Variants in OTOF observed in about 807,000 individuals in gnomAD.
OTOF encodes fer-1-like family member 2.
A neutral mutation model predicts 236.8 loss-of-function variants in OTOF; 218 were observed. The ratio of observed to expected loss-of-function variants is 0.92; its 90% CI spans 0.82 to 1.03. OTOF has a LOEUF of 1.03. Among genes scored for constraint, OTOF ranks in the 50% least tolerant of loss-of-function variants. The pLI, the probability that OTOF is intolerant of heterozygous loss-of-function variation, is 0.00. For missense variants in OTOF, 2,590 were observed against 2,694.4 expected, an observed-to-expected ratio of 0.96 and a Z score of 0.86; for synonymous variants, 1,041 against 1,072.5, an observed-to-expected ratio of 0.97 and a Z score of 0.57.
chr2:26,516,893 T>C (rs143886858), intron 4 of OTOF, among the ~76,000 whole-genome samples: 1 of 152,292 alleles, frequency 6.6e-6, no homozygotes, highest in East Asian at 1.9e-4. Flanking sequence ...CCAGGACAAC[T>C]GAGCCTGGAC....
chr2:26,530,673 C>T (rs949994323), intron 2 of OTOF, among the ~76,000 whole-genome samples: 1 of 152,170 alleles, frequency 6.6e-6, no homozygotes, highest in African/African-American at 2.4e-5. Flanking sequence ...CGTCTGCTTT[C>T]TTCTCCTCAC....
rs1037588871 is a variant in OTOF at position 26,530,127 on chromosome 2, G to T, written c.139-2207C>A. Among the ~76,000 whole-genome samples, 5 of 151,992 alleles carry T rather than the reference G, an allele frequency of 3.3e-5. No homozygotes were observed. In the South Asian group the frequency reaches 6.2e-4, roughly 19 times the overall value. The stretch of plus-strand genomic sequence containing the variant: ...GGGGATGAAGAGGGGAGGGGTGATT[G>T]GTCCCCCTGAGGGTCTGTGGGTGGG... On this transcript the variant is annotated intron_variant, in intron 2 of 46. Coordinates refer to ENST00000272371, the MANE Select transcript of OTOF (RefSeq NM_194248.3).
chr2:26,498,163 G>A (rs927330552), intron 8 of OTOF, among the ~76,000 whole-genome samples: 2 of 152,192 alleles, frequency 1.3e-5, no homozygotes, highest in African/African-American at 4.8e-5. Context: ...CCCCTTTTCA[G>A]GCCTCATACG....
intron 4 of OTOF, among the ~76,000 whole-genome samples, chr2:26,517,454 A>G (rs1454312483): frequency 6.6e-6 from 1 of 152,194 alleles, no homozygotes; most frequent in Non-Finnish European, 1.5e-5. Context: ...GCTTTAATGT[A>G]CACTCATTTG....
In OTOF at chr2:26,461,620, C is replaced by T; in HGVS notation, c.5533+76G>A. 3 of 1,590,840 alleles carry T rather than the reference C, an allele frequency of 1.9e-6. No homozygotes were observed. The highest frequency in any genetic ancestry group is 2.6e-6 in the Non-Finnish European group (3 of 1,168,114). On this transcript the variant is annotated intron_variant, in intron 43 of 46. Transcript: ENST00000272371. The surrounding 1 kb of genome is among the most constrained non-coding windows in gnomAD (Gnocchi z 6.2). The stretch of plus-strand genomic sequence containing the variant: ...CCTTGTCCCCCCAAGGCAGGGCTCT[C>T]CCTGTCCCCGCCAACCCGGCCCCTG...
chr2:26,467,324 G>T (rs368703698), intron 34 of OTOF, 41 bp downstream of exon 34: 15 of 1,613,020 alleles, frequency 9.3e-6, no homozygotes, highest in African/African-American at 2.7e-5. Flanking sequence ...CCCTCTTCCC[G>T]CCCCCACACA....
Position 26,466,812 on chromosome 2 carries a change from C to A in OTOF, c.4402G>T (p.Val1468Leu), listed in dbSNP as rs148191464. ...GAGTCGTAGCCGGCTTCCCGGGACA[C>A]GTCCTCTGGGAGTGGCACTTTGTAC... is the stretch of plus-strand genomic sequence containing the variant. Reference protein sequence around the residue: ...CVYKVPLPEDVSREAGYDSTY... With the variant: ...CVYKVPLPEDLSREAGYDSTY... The change falls in exon 36 of 47, where the codon GTG becomes TTG. Residue 1468 changes from valine (V) to leucine (L), a missense_variant. Val to Leu is a conservative substitution (Grantham distance 32, BLOSUM62 1). Coordinates refer to ENST00000272371, the MANE Select transcript of OTOF (RefSeq NM_194248.3). 1.2e-6 allele frequency: 2 copies of A among 1,614,104 alleles called. No homozygotes were observed. Among genetic ancestry groups the A allele is most frequent in the Admixed American group, 1.7e-5 (1 of 60,006 alleles).
rs751478868 is a variant in OTOF at position 26,482,673 on chromosome 2, G to A, written c.1393-81C>T. On this transcript the variant is annotated intron_variant, in intron 13 of 46. Transcript: ENST00000272371. ...TGTGTGTGTGTGTGAGTGGGCGCAT[G>A]TGTGCGTGAGTGGGCACATGTGTGC... 8 of 1,171,148 alleles carry A rather than the reference G, an allele frequency of 6.8e-6. No individual in the cohort carries two copies. In the Admixed American group the frequency reaches 7.2e-5, roughly 11 times the overall value. 72.5% of individuals were successfully genotyped at this position (1,171,148 alleles called of 1,614,324 possible).
At chr2:26,467,581 A>G in intron 33 of OTOF, 80 bp from the exon 34 acceptor site, 2 of 1,493,354 alleles carry the variant, frequency 1.3e-6, no homozygotes, top group Non-Finnish European at 1.8e-6. Flanking sequence ...CTCTGTCGCT[A>G]ATTTGCTTTA....
chr2:26,503,700 G>T, intron 6 of OTOF, 72 bp downstream of exon 6: 1 of 1,365,448 alleles, frequency 7.3e-7, no homozygotes, highest in Non-Finnish European at 1.0e-6. Flanking sequence ...TGGCAGCCGG[G>T]CAGGGGCTGG....
Position 26,475,949 on chromosome 2 carries a change from G to C in OTOF, c.2956C>G (p.Arg986Gly), listed in dbSNP as rs201198797. 3 of 1,611,546 alleles carry C rather than the reference G, an allele frequency of 1.9e-6. No homozygotes were observed. Among genetic ancestry groups the C allele is most frequent in the Non-Finnish European group, 1.7e-6 (2 of 1,179,438 alleles). The change falls in exon 24 of 47, where the codon CGC becomes GGC. Residue 986 changes from arginine to glycine, a missense_variant. This residue lies in a region of OTOF where 1,379 missense variants were observed against 1,341.6 expected (regional missense o/e 1.03). Transcript: ENST00000272371. ...TGACTCTGATTGATGAAGAAGACGCGGGCAAAGGGGTCTGAGAGTCCGCTG... is the reference window on the plus strand; with the variant it reads ...TGACTCTGATTGATGAAGAAGACGCCGGCAAAGGGGTCTGAGAGTCCGCTG... The part of the protein sequence containing the change: ...DSSGLSDPFA[R>G]VFFINQSQCT...
At chr2:26,556,536 C>G (rs184115427) in intron 1 of OTOF, among the ~76,000 whole-genome samples, 12 of 152,296 alleles carry the variant, frequency 7.9e-5, no homozygotes, top group African/African-American at 2.9e-4. Flanking sequence ...TCCACTCAGT[C>G]CAGAGAGCAA....
intron 39 of OTOF, 44 bp downstream of exon 39, chr2:26,464,825 C>T (rs757116135): frequency 6.4e-7 from 1 of 1,571,834 alleles, no homozygotes. Context: ...GCCTCTGAAA[C>T]CCCCTGGAGA....
chr2:26,470,655 GCTC>G lies in OTOF; in HGVS notation c.3958_3960del (p.Glu1320del). On this transcript the variant is annotated inframe_deletion, in exon 32 of 47. Transcript: ENST00000272371. This position sits in a 1 kb window ranked among gnomAD's most constrained non-coding sequence, Gnocchi z 4.3. ...CACCAGTCCAGCATGCTCTCGTCTG[GCTC>G]CTCCTCCTCTGGCTCCTCCGCAGTG... 1 of 1,613,984 alleles carries G rather than the reference GCTC, an allele frequency of 6.2e-7. No individual in the cohort carries two copies. Among genetic ancestry groups the G allele is most frequent in the Non-Finnish European group, 8.5e-7 (1 of 1,179,976 alleles).
Position 26,465,940 on chromosome 2 carries a change from A to G in OTOF, c.4628+9T>C. On this transcript the variant is annotated intron_variant, in intron 37 of 46. Transcript: ENST00000272371. The stretch of plus-strand genomic sequence containing the variant: ...GGGTGTGGCAGGGGAGGGCACCAAG[A>G]AGCCTTACTTCCCAAAGACAGGGTT... The G allele has an allele frequency of 1.9e-6, 3 of 1,614,216 alleles. No homozygotes were observed. The highest frequency in any genetic ancestry group is 2.5e-6 in the Non-Finnish European group (3 of 1,180,036).
In OTOF at chr2:26,477,621, C is replaced by T. The variant is rs1665379482; in HGVS notation, c.2315+28G>A. 2 of 1,611,346 alleles carry T rather than the reference C, an allele frequency of 1.2e-6. No homozygotes were observed. Among genetic ancestry groups the T allele is most frequent in the African/African-American group, 1.3e-5 (1 of 74,898 alleles). The stretch of plus-strand genomic sequence containing the variant: ...CTTTGTCCAGTTCCGCCTCATCCTC[C>T]CCCCACCTGCCGCCCCTCCCTTCTC... On this transcript the variant is annotated intron_variant, in intron 19 of 46. Transcript: ENST00000272371. This position sits in a 1 kb window ranked among gnomAD's most constrained non-coding sequence, Gnocchi z 4.7.
At chr2:26,489,503 A>G (rs1437908748) in intron 10 of OTOF, among the ~76,000 whole-genome samples, 175 bp downstream of exon 10, 3 of 152,164 alleles carry the variant, frequency 2.0e-5, no homozygotes, top group Non-Finnish European at 4.4e-5. Flanking sequence ...GAGGCATCCA[A>G]TGAAAGGGGT....
chr2:26,491,062 CAGGGCTCCA>C (rs1339671357), intron 9 of OTOF, among the ~76,000 whole-genome samples: 1 of 152,052 alleles, frequency 6.6e-6, no homozygotes, highest in Non-Finnish European at 1.5e-5. Flanking sequence ...AGGCCCAGGT[CAGGGCTCCA>C]AGAAGACACA....
At chr2:26,509,467 C>T (rs1267075504) in intron 5 of OTOF, among the ~76,000 whole-genome samples, 1 of 152,216 alleles carries the variant, frequency 6.6e-6, no homozygotes, top group Admixed American at 6.5e-5. Context: ...GTTAACACTG[C>T]ATCATCATTG....
Sources: gnomAD v4.1 joint callset for allele counts (sites outside exome capture counted in the v4.1 genomes callset) on GRCh38, gnomAD v4.1.1 for gene constraint, gnomAD v4.1.1 regional missense constraint, Gnocchi (gnomAD v3.1) non-coding constraint, MANE v1.5 for transcripts, NCBI Gene and HGNC (gene_info 2026-07-23, HGNC 2026-07-21) for gene names.